Variants in FAF1 observed in about 807,000 individuals in gnomAD.
FAF1 encodes Fas associated factor 1.
Under a neutral mutation model 92.5 loss-of-function variants are expected in FAF1, and 25 were observed. The ratio of observed to expected loss-of-function variants is 0.27; its 90% CI spans 0.20 to 0.38. The LOEUF is 0.38. Ranked by LOEUF, FAF1 falls within the 10% of genes least tolerant of loss-of-function variation. The pLI is 1.00. For missense variants in FAF1, 636 were observed against 793.3 expected, an observed-to-expected ratio of 0.80 and a Z score of 2.38; for synonymous variants, 234 against 273.2, an observed-to-expected ratio of 0.86 and a Z score of 1.42.
chr1:50,479,350 A>T (rs1374498141), intron 17 of FAF1, among the ~76,000 whole-genome samples: 1 of 152,134 alleles, frequency 6.6e-6, no homozygotes, highest in Non-Finnish European at 1.5e-5. Flanking sequence ...CATGCTAATT[A>T]TGGTTCTTTT....
At chr1:50,845,067 T>C (rs950711822) in intron 2 of FAF1, among the ~76,000 whole-genome samples, 9 of 152,340 alleles carry the variant, frequency 5.9e-5, no homozygotes, top group Admixed American at 1.3e-4. Context: ...GTCTCAGTTA[T>C]CAATTTATTG....
chr1:50,451,983 G>A, intron 18 of FAF1: 1 of 1,187,036 alleles, frequency 8.4e-7, no homozygotes, highest in Non-Finnish European at 1.1e-6. Flanking sequence ...TGGTATCCTT[G>A]ATGGTGGCTT....
At chr1:50,662,928 A>C (rs1569708651) in intron 7 of FAF1, among the ~76,000 whole-genome samples, 1 of 151,282 alleles carries the variant, frequency 6.6e-6, no homozygotes, top group Admixed American at 6.6e-5. Context: ...CCATCTCCTG[A>C]CCTCGTGATC....
chr1:50,801,814 ATGT>A (rs1350148174), intron 2 of FAF1, 137 bp from the exon 3 acceptor site: 2 of 566,412 alleles, frequency 3.5e-6, no homozygotes, highest in East Asian at 2.9e-5. Flanking sequence ...GTGATGCAAA[ATGT>A]TGTCTATTAA....
At chr1:50,760,899 G>C (rs1429885433) in intron 4 of FAF1, among the ~76,000 whole-genome samples, 1 of 152,080 alleles carries the variant, frequency 6.6e-6, no homozygotes, top group Non-Finnish European at 1.5e-5. Flanking sequence ...GAATCCAGGA[G>C]CTGGTTTTTT....
At chr1:50,612,981 G>T (rs984021868) in intron 8 of FAF1, among the ~76,000 whole-genome samples, 4 of 152,112 alleles carry the variant, frequency 2.6e-5, no homozygotes, top group Admixed American at 2.6e-4. Flanking sequence ...GACACAGCCT[G>T]GATCTTATAT....
intron 18 of FAF1, among the ~76,000 whole-genome samples, chr1:50,467,179 G>A (rs1158701108): frequency 6.6e-6 from 1 of 151,930 alleles, no homozygotes; most frequent in African/African-American, 2.4e-5. Context: ...GGATAAACAG[G>A]GTGTGAAATA....
At chr1:50,760,091 G>C (rs1660261559) in intron 4 of FAF1, among the ~76,000 whole-genome samples, 1 of 151,904 alleles carries the variant, frequency 6.6e-6, no homozygotes, top group Non-Finnish European at 1.5e-5. Context: ...TGTCAGATGA[G>C]TAGGTTGCAT....
chr1:50,811,153 G>A (rs1643905078), intron 2 of FAF1, among the ~76,000 whole-genome samples: 1 of 151,986 alleles, frequency 6.6e-6, no homozygotes, highest in Admixed American at 6.6e-5. Context: ...TGAGCAACAT[G>A]GCATAACCCC....
At chr1:50,525,413 C>T (rs1182403377) in intron 15 of FAF1, among the ~76,000 whole-genome samples, 2 of 152,158 alleles carry the variant, frequency 1.3e-5, no homozygotes, top group East Asian at 3.9e-4. Flanking sequence ...AATTTCATAT[C>T]CTACAAGTTT....
chr1:50,810,638 C>CTAT (rs1215141186), intron 2 of FAF1, among the ~76,000 whole-genome samples: 11 of 152,262 alleles, frequency 7.2e-5, no homozygotes, highest in Non-Finnish European at 1.6e-4. Context: ...GGAAGTCAAA[C>CTAT]TATCTCTGTT....
chr1:50,550,134 G>C (rs1052219232), intron 13 of FAF1, among the ~76,000 whole-genome samples: 1 of 151,936 alleles, frequency 6.6e-6, no homozygotes, highest in Non-Finnish European at 1.5e-5. Context: ...GGCAGACCAC[G>C]AGGTCAGGAG....
chr1:50,773,946 C>T (rs1398130985), intron 4 of FAF1, among the ~76,000 whole-genome samples: 1 of 152,120 alleles, frequency 6.6e-6, no homozygotes, highest in Non-Finnish European at 1.5e-5. Context: ...AACATACACA[C>T]TTATTAAACA....
chr1:50,904,593 AGTT>A (rs1206845231), intron 1 of FAF1, among the ~76,000 whole-genome samples: 1 of 152,196 alleles, frequency 6.6e-6, no homozygotes, highest in Non-Finnish European at 1.5e-5. Flanking sequence ...AGTAATATCT[AGTT>A]GTGCTGAGAT....
At chr1:50,724,276 TACACACACACACACACACATACACAC>T (rs1415106190) in intron 6 of FAF1, among the ~76,000 whole-genome samples, 1 of 114,894 alleles carries the variant, frequency 8.7e-6, no homozygotes, top group African/African-American at 3.5e-5. Flanking sequence ...TATATACATA[TACACACACACACACACACATACACAC>T]ACACACACAC....
At chr1:50,738,774 G>T in intron 6 of FAF1, 89 bp downstream of exon 6, 1 of 800,810 alleles carries the variant, frequency 1.2e-6, no homozygotes, top group South Asian at 1.6e-5. Flanking sequence ...ACTTGTATTT[G>T]ATTTAATTTT....
rs189040724 is a variant in FAF1, at chr1:50,489,174, G to A, written c.1653+1414C>T. Among the ~76,000 whole-genome samples the A allele has an allele frequency of 2.2e-4, 34 of 152,302 alleles. No individual in the cohort carries two copies. In the East Asian group the frequency reaches 6.4e-3, roughly 29 times the overall value. ...ATTTGCTGTTACTCCTAGACAGGCT[G>A]TATATTCCCTCTAAGATGTAATATC... On this transcript the variant is annotated intron_variant, in intron 17 of 18. Transcript: ENST00000396153.
intron 18 of FAF1, among the ~76,000 whole-genome samples, chr1:50,474,423 T>C (rs1646613838): frequency 6.6e-6 from 1 of 152,176 alleles, no homozygotes; most frequent in African/African-American, 2.4e-5. Flanking sequence ...TTTTTAAATT[T>C]TTTATTTCCA....
chr1:50,569,763 C>T (rs1265213060), intron 12 of FAF1, among the ~76,000 whole-genome samples: 3 of 152,082 alleles, frequency 2.0e-5, no homozygotes, highest in Non-Finnish European at 4.4e-5. Context: ...ATTTACATTG[C>T]TATCTCACTG....
Sources: gnomAD v4.1 joint callset for allele counts (sites outside exome capture counted in the v4.1 genomes callset) on GRCh38, gnomAD v4.1.1 for gene constraint, MANE v1.5 for transcripts, NCBI Gene and HGNC (gene_info 2026-07-23, HGNC 2026-07-21) for gene names.